PPP2R2B: variants seen among roughly 807,000 people sequenced by gnomAD.
The protein encoded by PPP2R2B is protein phosphatase 2 regulatory subunit Bbeta, also known as serine/threonine-protein phosphatase 2A 55 kDa regulatory subunit B beta isoform.
PPP2R2B carries 5 observed loss-of-function variants against 46.0 expected under a neutral mutation model. The ratio of observed to expected loss-of-function variants is 0.11; its 90% confidence interval spans 0.06 to 0.23. The LOEUF (loss-of-function observed/expected upper bound fraction) is 0.23, where lower values mean the gene tolerates loss of function less well. Ranked by LOEUF, PPP2R2B falls within the 10% of genes least tolerant of loss-of-function variation. PPP2R2B has a pLI of 1.00. For synonymous variants in PPP2R2B, 215 were observed against 206.7 expected (o/e 1.04, Z -0.34); for missense variants, 367 against 575.0 (o/e 0.64, Z 3.70).
At chr5:146,809,241 C>G (rs1273165464) in intron 2 of PPP2R2B, among the ~76,000 whole-genome samples, 1 of 152,104 alleles carries the variant, frequency 6.6e-6, no homozygotes. Flanking sequence ...ATAATGGAGA[C>G]AGAAATTCTT....
At chr5:146,940,590 C>T (rs1398499023) in intron 1 of PPP2R2B, among the ~76,000 whole-genome samples, 1 of 151,768 alleles carries the variant, frequency 6.6e-6, no homozygotes, top group African/African-American at 2.4e-5. Flanking sequence ...TTTAATGAGC[C>T]CTTAGAGACT....
intron 8 of PPP2R2B, among the ~76,000 whole-genome samples, chr5:146,597,527 A>C (rs1348082615): frequency 1.3e-5 from 2 of 151,970 alleles, no homozygotes; most frequent in African/African-American, 4.8e-5. Flanking sequence ...CTCTCTTTCC[A>C]TTGTACTCAT....
intron 1 of PPP2R2B, among the ~76,000 whole-genome samples, chr5:146,886,300 C>G (rs1224313878): frequency 6.6e-6 from 1 of 151,088 alleles, no homozygotes; most frequent in African/African-American, 2.4e-5. Context: ...GACTGCGCCA[C>G]AGCACTCCAG....
At chr5:146,762,575 T>C (rs915967348) in intron 2 of PPP2R2B, among the ~76,000 whole-genome samples, 1 of 152,228 alleles carries the variant, frequency 6.6e-6, no homozygotes, top group Admixed American at 6.5e-5. Flanking sequence ...TTCTTACATA[T>C]CTACATACTC....
chr5:146,704,925 G>A (rs1230510709), intron 2 of PPP2R2B, among the ~76,000 whole-genome samples: 1 of 152,182 alleles, frequency 6.6e-6, no homozygotes, highest in Non-Finnish European at 1.5e-5. Context: ...TGCTAGGCTG[G>A]AGTCTATGCA....
At chr5:146,909,566 A>G (rs1401597546) in intron 1 of PPP2R2B, among the ~76,000 whole-genome samples, 1 of 152,210 alleles carries the variant, frequency 6.6e-6, no homozygotes, top group Non-Finnish European at 1.5e-5. Flanking sequence ...GCTTTCCAAA[A>G]TATAGAAAGA....
At chr5:146,737,526 A>G (rs910511373) in intron 2 of PPP2R2B, among the ~76,000 whole-genome samples, 7 of 152,192 alleles carry the variant, frequency 4.6e-5, no homozygotes, top group African/African-American at 1.7e-4. Context: ...TACTTGTCAA[A>G]CCTGCAGAAG....
chr5:146,855,188 T>C (rs577477442), intron 2 of PPP2R2B, among the ~76,000 whole-genome samples: 8 of 152,218 alleles, frequency 5.3e-5, no homozygotes, highest in South Asian at 4.1e-4. Flanking sequence ...AAATCGTACA[T>C]TGAAATTACA....
chr5:146,832,923 G>A (rs944966277), intron 2 of PPP2R2B, among the ~76,000 whole-genome samples: 1 of 151,700 alleles, frequency 6.6e-6, no homozygotes, highest in Non-Finnish European at 1.5e-5. Flanking sequence ...TTGCCTAATG[G>A]CACACTTCTC....
Position 147,023,275 on chromosome 5 carries a change from G to A in PPP2R2B, c.79+32390C>T, listed in dbSNP as rs1054873851. Among the ~76,000 whole-genome samples, 4 of 151,852 alleles carry A rather than the reference G, an allele frequency of 2.6e-5. No homozygotes were observed. In the East Asian group the frequency reaches 5.8e-4, roughly 22 times the overall value. On this transcript the variant is annotated intron_variant, in intron 1 of 8. Transcript: ENST00000336640. ...ACTAAAACGAAAACCAAAACAAAGA[G>A]GTATAGCAAGGAATTCAGTAGAGGA... is the stretch of plus-strand genomic sequence containing the variant.
intron 2 of PPP2R2B, among the ~76,000 whole-genome samples, chr5:146,823,986 T>C (rs1758422954): frequency 6.6e-6 from 1 of 152,182 alleles, no homozygotes; most frequent in South Asian, 2.1e-4. Context: ...TGGTAGTAGA[T>C]GTGCATGCAA....
At chr5:146,632,061 G>GGTCCC (rs1774459067) in intron 7 of PPP2R2B, among the ~76,000 whole-genome samples, 2 of 103,998 alleles carry the variant, frequency 1.9e-5, no homozygotes, top group African/African-American at 3.5e-5. Flanking sequence ...GCTGAGTTGT[G>GGTCCC]CCCCCCCCCC....
At chr5:146,696,074 C>A (rs749748681) in intron 4 of PPP2R2B, among the ~76,000 whole-genome samples, 2 of 151,820 alleles carry the variant, frequency 1.3e-5, no homozygotes, top group East Asian at 3.9e-4. Flanking sequence ...TTTTCCCATC[C>A]CCCCGCCAAC....
chr5:147,040,085 G>A (rs2151896303), intron 1 of PPP2R2B, among the ~76,000 whole-genome samples: 1 of 152,266 alleles, frequency 6.6e-6, no homozygotes, highest in Admixed American at 6.5e-5. Context: ...AAAATTCATG[G>A]AGTGAAGATG....
At chr5:146,780,626 G>C (rs1755452730) in intron 2 of PPP2R2B, among the ~76,000 whole-genome samples, 1 of 152,120 alleles carries the variant, frequency 6.6e-6, no homozygotes, top group African/African-American at 2.4e-5. Context: ...CTAGTGCCTG[G>C]CTAGAATAGA....
At chr5:146,951,872 A>G (rs986312980) in intron 1 of PPP2R2B, among the ~76,000 whole-genome samples, 8 of 151,994 alleles carry the variant, frequency 5.3e-5, no homozygotes, top group African/African-American at 1.9e-4. Context: ...TTGGGTATAT[A>G]CCCAGTAATG....
chr5:146,692,565 G>T (rs369915420), intron 4 of PPP2R2B, among the ~76,000 whole-genome samples: 1 of 127,826 alleles, frequency 7.8e-6, no homozygotes, highest in East Asian at 2.3e-4. Flanking sequence ...ACAGAGTCTC[G>T]CATTTTCACC....
chr5:146,997,833 A>T (rs945700280), intron 1 of PPP2R2B, among the ~76,000 whole-genome samples: 1 of 152,226 alleles, frequency 6.6e-6, no homozygotes, highest in Non-Finnish European at 1.5e-5. Context: ...AGGTAAAAAA[A>T]TTCAGGTAAT....
chr5:146,875,910 T>G (rs1475315771), intron 2 of PPP2R2B, among the ~76,000 whole-genome samples: 1 of 152,180 alleles, frequency 6.6e-6, no homozygotes, highest in Non-Finnish European at 1.5e-5. Flanking sequence ...GCAACAAAAT[T>G]GCATGAATCT....
Sources: allele counts gnomAD v4.1 joint callset (sites outside exome capture counted in the v4.1 genomes callset), GRCh38; gene constraint gnomAD v4.1.1; transcripts MANE v1.5; gene names NCBI Gene and HGNC (gene_info 2026-07-23, HGNC 2026-07-21).